ANKRD45: variants seen among roughly 807,000 people sequenced by gnomAD.
ANKRD45 encodes the protein ankyrin repeat domain 45, also known as ankyrin repeat domain-containing protein 45.
ANKRD45 carries 21 observed loss-of-function variants against 28.1 expected under a neutral mutation model. That is an observed-to-expected ratio of 0.75 (90% CI 0.53 to 1.08). ANKRD45 has a LOEUF of 1.08. Among genes scored for constraint, ANKRD45 ranks in the 50% least tolerant of loss-of-function variants. The pLI is 0.00. For missense variants in ANKRD45, 261 were observed against 308.7 expected, an observed-to-expected ratio of 0.85 and a Z score of 1.16; for synonymous variants, 86 against 103.9, an observed-to-expected ratio of 0.83 and a Z score of 1.05.
At chr1:173,627,216 G>T in intron 3 of ANKRD45, 57 bp from the exon 4 acceptor site, 1 of 1,207,928 alleles carries the variant, frequency 8.3e-7, no homozygotes, top group Non-Finnish European at 1.2e-6. Context: ...GGCAAAGCAA[G>T]ATAGTCAAAT....
the ANKRD45 span, among the ~76,000 whole-genome samples, chr1:173,682,114 A>G: frequency 4.6e-5 from 7 of 152,010 alleles, no homozygotes; most frequent in Non-Finnish European, 8.8e-5. Context: ...CATAGATTGT[A>G]TAAGGAGACC....
At chr1:173,655,912 G>C (rs911353322) in intron 2 of ANKRD45, among the ~76,000 whole-genome samples, 3 of 152,228 alleles carry the variant, frequency 2.0e-5, no homozygotes, top group African/African-American at 7.2e-5. Flanking sequence ...CGCCAAGCCA[G>C]GCACGGGATA....
the ANKRD45 span, among the ~76,000 whole-genome samples, chr1:173,700,072 T>C: frequency 1.8e-4 from 27 of 152,292 alleles, no homozygotes; most frequent in African/African-American, 5.5e-4. Context: ...CCATTCACAA[T>C]TGCTACAAAG....
At chr1:173,680,668 TG>T in the ANKRD45 span, among the ~76,000 whole-genome samples, 1 of 152,112 alleles carries the variant, frequency 6.6e-6, no homozygotes. Context: ...CACATGCATA[TG>T]TATGTTTACT....
intron 5 of ANKRD45, among the ~76,000 whole-genome samples, chr1:173,614,677 CAT>C (rs746775371): frequency 6.6e-6 from 1 of 152,162 alleles, no homozygotes; most frequent in Non-Finnish European, 1.5e-5. Context: ...TCCCAACACA[CAT>C]GTTCCCAGCA....
At chr1:173,686,232 A>T in the ANKRD45 span, among the ~76,000 whole-genome samples, 2 of 152,214 alleles carry the variant, frequency 1.3e-5, no homozygotes, top group Non-Finnish European at 2.9e-5. Flanking sequence ...AGTTCGAGGC[A>T]AAATTGACTT....
At chr1:173,703,562 CCT>C in the ANKRD45 span, among the ~76,000 whole-genome samples, 16 of 152,236 alleles carry the variant, frequency 1.1e-4, no homozygotes, top group Admixed American at 7.2e-4. Flanking sequence ...CTCCTTTTCC[CCT>C]GTCCCCAAAT....
intron 3 of ANKRD45, among the ~76,000 whole-genome samples, chr1:173,642,644 T>C (rs1668750671): frequency 6.6e-6 from 1 of 152,382 alleles, no homozygotes; most frequent in Admixed American, 6.5e-5. Context: ...GATATTTGCC[T>C]GGGCATGCCT....
chr1:173,703,069 T>C, the ANKRD45 span, among the ~76,000 whole-genome samples: 1 of 152,028 alleles, frequency 6.6e-6, no homozygotes, highest in Admixed American at 6.6e-5. Flanking sequence ...GAAGTCTCAT[T>C]CTGTTGTCCA....
intron 5 of ANKRD45, among the ~76,000 whole-genome samples, chr1:173,620,543 C>T (rs1466687966): frequency 6.6e-6 from 1 of 152,068 alleles, no homozygotes; most frequent in Non-Finnish European, 1.5e-5. Flanking sequence ...ACTGAAAGAA[C>T]TAGAGAACCA....
At chr1:173,697,572 A>G in the ANKRD45 span, among the ~76,000 whole-genome samples, 1 of 152,224 alleles carries the variant, frequency 6.6e-6, no homozygotes, top group Non-Finnish European at 1.5e-5. Flanking sequence ...ACTAAGCTTC[A>G]TAAGTGAAGG....
chr1:173,698,949 A>G, the ANKRD45 span, among the ~76,000 whole-genome samples: 920 of 152,282 alleles, frequency 6.0e-3, 8 homozygotes, highest in Non-Finnish European at 8.6e-3. Flanking sequence ...AAGAAAAGAA[A>G]GAACAATCAA....
chr1:173,653,293 T>C (rs1310431778), intron 2 of ANKRD45, among the ~76,000 whole-genome samples: 5 of 152,234 alleles, frequency 3.3e-5, no homozygotes, highest in Middle Eastern at 3.2e-3. Flanking sequence ...TTCTGGTATG[T>C]TGTGTCTTTG....
intron 5 of ANKRD45, among the ~76,000 whole-genome samples, chr1:173,613,474 G>C (rs1390048468): frequency 3.8e-4 from 56 of 147,098 alleles, no homozygotes; most frequent in Non-Finnish European, 7.1e-4. Flanking sequence ...GGCAGCCCCC[G>C]CCCGGCCAGC....
intron 3 of ANKRD45, among the ~76,000 whole-genome samples, chr1:173,633,152 G>C (rs1326685951): frequency 1.3e-5 from 2 of 151,860 alleles, no homozygotes; most frequent in East Asian, 3.9e-4. Flanking sequence ...TAAAATTACA[G>C]GATACAAAAT....
the ANKRD45 span, among the ~76,000 whole-genome samples, chr1:173,690,736 A>C: frequency 6.6e-6 from 1 of 152,170 alleles, no homozygotes; most frequent in African/African-American, 2.4e-5. Flanking sequence ...CTAGGGGGCT[A>C]TACAGTGGAA....
chr1:173,712,835 T>C, the ANKRD45 span, among the ~76,000 whole-genome samples: 1 of 152,226 alleles, frequency 6.6e-6, no homozygotes, highest in Non-Finnish European at 1.5e-5. Context: ...AATTTTACCA[T>C]GCACTATAAT....
At chr1:173,707,974 A>G in the ANKRD45 span, among the ~76,000 whole-genome samples, 2 of 152,182 alleles carry the variant, frequency 1.3e-5, no homozygotes, top group African/African-American at 2.4e-5. Flanking sequence ...TCTAAGGTCT[A>G]TTTCTGGATT....
At chr1:173,612,558 T>C (rs12138896) in intron 5 of ANKRD45, 1 of 152,112 alleles carries the variant, frequency 6.6e-6, no homozygotes, top group Non-Finnish European at 1.5e-5. Context: ...CTAATTTTTT[T>C]AAAAAAGACA....
Sources: gnomAD v4.1 joint callset for allele counts (sites outside exome capture counted in the v4.1 genomes callset) on GRCh38, gnomAD v4.1.1 for gene constraint, MANE v1.5 for transcripts, NCBI Gene and HGNC (gene_info 2026-07-23, HGNC 2026-07-21) for gene names.